Variants in NLGN3 observed in about 807,000 individuals in gnomAD.
NLGN3 encodes the protein neuroligin-3.
A neutral mutation model predicts 42.9 loss-of-function variants in NLGN3; 11 were observed. The observed-to-expected ratio is 0.26, with a 90% CI of 0.16 to 0.42. The LOEUF (loss-of-function observed/expected upper bound fraction) is 0.42, where lower values mean the gene tolerates loss of function less well. Ranked by LOEUF, NLGN3 falls within the 10% of genes least tolerant of loss-of-function variation. NLGN3 has a pLI of 1.00. For synonymous variants in NLGN3, 279 were observed against 312.7 expected, an observed-to-expected ratio of 0.89 and a Z score of 1.14; for missense variants, 374 against 733.8, an observed-to-expected ratio of 0.51 and a Z score of 5.67.
rs78195299 is a variant in NLGN3, at chrX:71,171,057, G to A, written c.*960G>A. 223 of 750,360 alleles carry A rather than the reference G, an allele frequency of 3.0e-4. 2 individuals are homozygous for A. The East Asian group carries it at 0.02, about 68-fold the overall frequency. 61.8% of individuals were successfully genotyped at this position (750,360 alleles called of 1,213,427 possible). A position where few individuals can be genotyped will look rare whatever the true frequency, so the allele number is the denominator to read the frequency against. On this transcript the variant is annotated 3_prime_UTR_variant, in exon 8 of 8. Transcript: ENST00000358741. ...TCTGTCATTTCTCTTTCAAAAAGGC[G>A]GTGTTTTTTGTTGTTGTTGGTTTTT... is the stretch of plus-strand genomic sequence containing the variant.
chrX:71,147,599 C>T lies in NLGN3; in HGVS notation c.-151C>T, dbSNP rs1229567855. 2.2e-5 allele frequency: 11 copies of T among 506,705 alleles called. 1 individual carries two copies. The highest frequency in any genetic ancestry group is 2.1e-4 in the South Asian group (8 of 37,363). The allele number at this position is 506,705 out of a possible 1,213,427, so 41.8% of individuals were successfully genotyped here. On this transcript the variant is annotated 5_prime_UTR_variant, in exon 2 of 8. The change creates a new upstream start codon in the 5' untranslated region. Transcript: ENST00000358741. The stretch of plus-strand genomic sequence containing the variant: ...CCTTTCTGAAGCTGTGGTGCTTGGA[C>T]GACCTGCTCTCTACATTGCTGGGCA...
chrX:71,147,516 A>C, intron 1 of NLGN3, 34 bp from the exon 2 acceptor site: 1 of 439,748 alleles, frequency 2.3e-6, no homozygotes, highest in Non-Finnish European at 4.0e-6. Context: ...CTCCCAGACC[A>C]TCTTGGATGA....
chrX:71,157,702 G>T (rs1022485256), intron 5 of NLGN3, among the ~76,000 whole-genome samples: 2 of 111,508 alleles, frequency 1.8e-5, no homozygotes, highest in Admixed American at 1.9e-4. Flanking sequence ...TCTGGGTGCA[G>T]TTGTATGCCC....
At position 71,170,841 on chromosome X, in the gene NLGN3, C is replaced by T; in HGVS notation, c.*744C>T. 2 of 756,054 alleles carry T rather than the reference C, an allele frequency of 2.6e-6. No homozygotes were observed. Among genetic ancestry groups the T allele is most frequent in the South Asian group, 6.7e-5 (1 of 14,925 alleles). The allele number at this position is 756,054 out of a possible 1,213,427, so 62.3% of individuals were successfully genotyped here. On this transcript the variant is annotated 3_prime_UTR_variant, in exon 8 of 8. Coordinates refer to ENST00000358741, the MANE Select transcript of NLGN3 (RefSeq NM_181303.2). ...TGTGTCCGTGTGGAGGGCTGCAGAG[C>T]CTGCAGGGTGACCTGCTTCCCCAAA...
intron 3 of NLGN3, among the ~76,000 whole-genome samples, chrX:71,153,164 G>A (rs912353870): frequency 3.5e-5 from 4 of 112,714 alleles, no homozygotes; most frequent in Admixed American, 9.3e-5. Flanking sequence ...CTGGCTCTGT[G>A]CCCTGGCCCA....
At chrX:71,156,516 G>A (rs73539623) in intron 5 of NLGN3, among the ~76,000 whole-genome samples, 6,638 of 109,009 alleles carry the variant, frequency 0.061, 512 homozygotes, top group African/African-American at 0.21. Context: ...ATGCATGCAC[G>A]CGTATACATG....
At chrX:71,156,625 C>T (rs934639387) in intron 5 of NLGN3, among the ~76,000 whole-genome samples, 36 of 110,290 alleles carry the variant, frequency 3.3e-4, no homozygotes, top group African/African-American at 1.2e-3. Context: ...CATCCGTGTA[C>T]ATGGGGCTGC....
Position 71,170,793 on chromosome X carries a change from G to A in NLGN3, c.*696G>A. On this transcript the variant is annotated 3_prime_UTR_variant, in exon 8 of 8. Coordinates refer to ENST00000358741, the MANE Select transcript of NLGN3 (RefSeq NM_181303.2). The stretch of plus-strand genomic sequence containing the variant: ...CACTGGATGGAGCTGGAGGGTCGTA[G>A]GGGAGAGATCTCCAACTCTCTCTGT... 1 of 756,325 alleles carries A rather than the reference G, an allele frequency of 1.3e-6. No homozygotes were observed. The highest frequency in any genetic ancestry group is 1.6e-6 in the Non-Finnish European group (1 of 640,467). 62.3% of individuals were successfully genotyped at this position (756,325 alleles called of 1,213,427 possible). A position where few individuals can be genotyped will look rare whatever the true frequency, so the allele number is the denominator to read the frequency against.
Position 71,170,813 on chromosome X carries a change from C to G in NLGN3, c.*716C>G. 8 of 756,266 alleles carry G rather than the reference C, an allele frequency of 1.1e-5. No individual in the cohort carries two copies. Among genetic ancestry groups the G allele is most frequent in the Non-Finnish European group, 1.2e-5 (8 of 640,463 alleles). 62.3% of individuals were successfully genotyped at this position (756,266 alleles called of 1,213,427 possible). On this transcript the variant is annotated 3_prime_UTR_variant, in exon 8 of 8. Coordinates refer to ENST00000358741, the MANE Select transcript of NLGN3 (RefSeq NM_181303.2). ...TCGTAGGGGAGAGATCTCCAACTCT[C>G]TCTGTGTCCGTGTGGAGGGCTGCAG...
In NLGN3 at chrX:71,170,763, G is replaced by A. The variant is rs180705212; in HGVS notation, c.*666G>A. 1.3e-6 allele frequency: 1 copy of A among 757,730 alleles called. No homozygotes were observed. The highest frequency in any genetic ancestry group is 2.3e-5 in the African/African-American group (1 of 43,307). The allele number at this position is 757,730 out of a possible 1,213,427, so 62.4% of individuals were successfully genotyped here. A position where few individuals can be genotyped will look rare whatever the true frequency, so the allele number is the denominator to read the frequency against. Reference sequence around the variant, plus strand: ...GACCATGGGGTGGAAGGAGAAAGGGGCTAGCACTGGATGGAGCTGGAGGGT... The same window carrying A: ...GACCATGGGGTGGAAGGAGAAAGGGACTAGCACTGGATGGAGCTGGAGGGT... On this transcript the variant is annotated 3_prime_UTR_variant, in exon 8 of 8. Transcript: ENST00000358741.
chrX:71,172,276 C>T (rs1316417267), downstream of NLGN3, among the ~76,000 whole-genome samples: 3 of 111,298 alleles, frequency 2.7e-5, no homozygotes, highest in Admixed American at 2.9e-4. Context: ...CATATAGTAA[C>T]AAAAACACAG....
intron 2 of NLGN3, 63 bp from the exon 3 acceptor site, chrX:71,148,783 G>A (rs921989324): frequency 2.0e-6 from 2 of 1,017,971 alleles, no homozygotes; most frequent in African/African-American, 3.8e-5. Flanking sequence ...CCTGGGGGGT[G>A]GGGGGTGCAT....
At chrX:71,172,885 C>T (rs915813157), downstream of NLGN3, among the ~76,000 whole-genome samples, 1 of 111,415 alleles carries the variant, frequency 9.0e-6, no homozygotes, top group Admixed American at 9.6e-5. Context: ...CTAGTGAGTT[C>T]TCAATCGCAG....
chrX:71,167,602 A>G lies in NLGN3; in HGVS notation c.1505A>G (p.Tyr502Cys). 8.3e-7 allele frequency: 1 copy of G among 1,210,347 alleles called. No homozygotes were observed. Among genetic ancestry groups the G allele is most frequent in the Non-Finnish European group, 1.1e-6 (1 of 895,149 alleles). Residue 502 changes from tyrosine (Y) to cysteine (C), a missense_variant, in exon 7 of 8, where the codon TAC becomes TGC. Tyr to Cys is a radical substitution (Grantham distance 194). Around this residue, in one of 6 missense-constraint regions of NLGN3, gnomAD observed 142 missense variants for 359.1 expected, o/e 0.40. Transcript: ENST00000358741. Reference protein sequence around the residue: ...DLHARYGSPTYFYAFYHHCQS... With the variant: ...DLHARYGSPTCFYAFYHHCQS... Reference sequence around the variant, plus strand: ...CATGCCCGCTACGGCTCGCCTACCTACTTCTACGCCTTCTATCATCACTGC... The same window carrying G: ...CATGCCCGCTACGGCTCGCCTACCTGCTTCTACGCCTTCTATCATCACTGC...
chrX:71,147,824 C>T lies in NLGN3; in HGVS notation c.75C>T (p.Thr25=). ...CGGTTGGCAGGAGCCTGTGCCTCAC[C>T]CTGTGGTTCCTCAGTTTGGCGCTGA... ...KPTVGRSLCL[T]LWFLSLALRA... The change falls in exon 2 of 8, where the codon ACC becomes ACT. Residue 25 remains threonine, a synonymous_variant. Transcript: ENST00000358741. 3 of 1,210,106 alleles carry T rather than the reference C, an allele frequency of 2.5e-6. No homozygotes were observed. The highest frequency in any genetic ancestry group is 3.4e-6 in the Non-Finnish European group (3 of 894,733).
rs763607264 is a variant in NLGN3, at chrX:71,148,922, C to T, written c.517+17C>T. 7 of 1,022,345 alleles carry T rather than the reference C, an allele frequency of 6.8e-6. No individual in the cohort carries two copies. Among genetic ancestry groups the T allele is most frequent in the Admixed American group, 6.3e-5 (2 of 31,900 alleles). The allele number at this position is 1,022,345 out of a possible 1,213,427, so 84.3% of individuals were successfully genotyped here. ...GGAAAGGAGGTAGGTAGCGAGCCGGCGGGGAGGGAGAGAGAGAGAGAGGGA... is the reference window on the plus strand; with the variant it reads ...GGAAAGGAGGTAGGTAGCGAGCCGGTGGGGAGGGAGAGAGAGAGAGAGGGA... On this transcript the variant is annotated intron_variant, in intron 3 of 7. Coordinates refer to ENST00000358741, the MANE Select transcript of NLGN3 (RefSeq NM_181303.2).
At chrX:71,148,281 T>C (rs1391070186) in intron 2 of NLGN3, 75 bp downstream of exon 2, 2 of 835,427 alleles carry the variant, frequency 2.4e-6, no homozygotes, top group Admixed American at 4.5e-5. Context: ...TGCATGTGGT[T>C]GTGTGCCCTG....
intron 6 of NLGN3, among the ~76,000 whole-genome samples, chrX:71,166,049 G>T (rs1355488512): frequency 9.1e-6 from 1 of 110,434 alleles, no homozygotes; most frequent in African/African-American, 3.3e-5. Context: ...GGGAGAGAAT[G>T]ATATCCTTTT....
intron 5 of NLGN3, among the ~76,000 whole-genome samples, chrX:71,161,423 C>T (rs2092429775): frequency 9.1e-6 from 1 of 109,908 alleles, no homozygotes; most frequent in Non-Finnish European, 1.9e-5. Flanking sequence ...CTGGAGATAG[C>T]ATTTCAAGCA....
Sources: allele counts gnomAD v4.1 joint callset (sites outside exome capture counted in the v4.1 genomes callset), GRCh38; gene constraint gnomAD v4.1.1; regional missense constraint gnomAD v4.1.1; transcripts MANE v1.5; gene names NCBI Gene and HGNC (gene_info 2026-07-23, HGNC 2026-07-21).